Variants in GRAMD2B observed in about 807,000 individuals in gnomAD.
GRAMD2B encodes the protein GRAM domain containing 2B.
In GRAMD2B, 41 loss-of-function variants were observed where a neutral mutation model predicts 59.2. The observed-to-expected ratio is 0.69, with a 90% CI of 0.54 to 0.90. The LOEUF (loss-of-function observed/expected upper bound fraction) is 0.90. Ranked by LOEUF, GRAMD2B falls within the 40% of genes least tolerant of loss-of-function variation. GRAMD2B has a pLI of 0.00. For missense variants in GRAMD2B, 424 were observed against 500.5 expected, an observed-to-expected ratio of 0.85 and a Z score of 1.46; for synonymous variants, 161 against 182.7, an observed-to-expected ratio of 0.88 and a Z score of 0.96.
At position 126,428,911 on chromosome 5, in the gene GRAMD2B, A is replaced by G. The variant is rs147121378; in HGVS notation, c.83+5222A>G. 4.9e-3 allele frequency among the ~76,000 whole-genome samples: 754 copies of G among 152,360 alleles called. 5 individuals carry two copies. The highest frequency in any genetic ancestry group is 0.017 in the African/African-American group (723 of 41,584). On this transcript the variant is annotated intron_variant, in intron 1 of 13. Coordinates refer to ENST00000285689, the MANE Select transcript of GRAMD2B (RefSeq NM_023927.4). ...AACAGATGCTGGCAAGGTTGCAGAG[A>G]AAAAAGAATGCTTATTCACTGTTGC...
chr5:126,395,836 G>T (rs1402262897), intron 1 of GRAMD2B, among the ~76,000 whole-genome samples: 9 of 152,124 alleles, frequency 5.9e-5, no homozygotes, highest in Non-Finnish European at 2.9e-5. Flanking sequence ...AAATTAAATT[G>T]TACATATGTA....
intron 1 of GRAMD2B, among the ~76,000 whole-genome samples, chr5:126,398,924 A>G (rs922870370): frequency 6.6e-6 from 1 of 152,110 alleles, no homozygotes; most frequent in Non-Finnish European, 1.5e-5. Context: ...TCTTGCTGTT[A>G]TCTCTAGTTT....
chr5:126,393,841 A>G (rs1451922955), intron 1 of GRAMD2B, among the ~76,000 whole-genome samples: 1 of 152,228 alleles, frequency 6.6e-6, no homozygotes, highest in Non-Finnish European at 1.5e-5. Flanking sequence ...TCTAGAAAGC[A>G]TAAGATCATA....
chr5:126,373,366 G>T (rs932621209), intron 1 of GRAMD2B, among the ~76,000 whole-genome samples: 1 of 152,186 alleles, frequency 6.6e-6, no homozygotes, highest in South Asian at 2.1e-4. Flanking sequence ...GAGAATTTAT[G>T]TGGCTGTTTT....
At chr5:126,469,050 A>G (rs1040599678) in intron 2 of GRAMD2B, among the ~76,000 whole-genome samples, 1 of 152,202 alleles carries the variant, frequency 6.6e-6, no homozygotes, top group African/African-American at 2.4e-5. Context: ...TATAGCTGCA[A>G]TATTATTTAG....
Position 126,488,863 on chromosome 5 carries a change from C to CT in GRAMD2B, c.1230dup (p.Thr411TyrfsTer3), listed in dbSNP as rs748236406. 5.6e-6 allele frequency: 9 copies of CT among 1,613,490 alleles called. No homozygotes were observed. The South Asian group carries it at 9.9e-5, about 18-fold the overall frequency. ...CAATGTGGAGGTTCTCTGTCAAGAGCTTACAGCTAACATAGTGAAATTAGA... is the reference window on the plus strand; with the variant it reads ...CAATGTGGAGGTTCTCTGTCAAGAGCTTTACAGCTAACATAGTGAAATTAGA... On this transcript the variant is annotated frameshift_variant, in exon 13 of 14. Coordinates refer to ENST00000285689, the MANE Select transcript of GRAMD2B (RefSeq NM_023927.4). LOFTEE classifies it high-confidence loss of function.
chr5:126,477,165 T>C (rs1042276257), intron 5 of GRAMD2B, among the ~76,000 whole-genome samples: 2 of 152,224 alleles, frequency 1.3e-5, no homozygotes, highest in African/African-American at 4.8e-5. Flanking sequence ...CAAAAACTTT[T>C]AGATTTTGGA....
At chr5:126,369,160 A>C (rs545667077), upstream of GRAMD2B, among the ~76,000 whole-genome samples, 1 of 152,236 alleles carries the variant, frequency 6.6e-6, no homozygotes, top group Admixed American at 6.5e-5. Context: ...TGCCTTCCCC[A>C]TGACCCCACA....
intron 1 of GRAMD2B, chr5:126,371,581 G>A (rs1039324702): frequency 2.5e-5 from 32 of 1,280,272 alleles, no homozygotes; most frequent in Admixed American, 1.9e-4. Context: ...GGTACAGCCT[G>A]GGCCTGGCCA....
intron 1 of GRAMD2B, among the ~76,000 whole-genome samples, chr5:126,395,335 C>T (rs978717118): frequency 1.8e-4 from 28 of 152,148 alleles, no homozygotes; most frequent in African/African-American, 6.0e-4. Context: ...AAGATAAGAT[C>T]GCTTTAATCT....
chr5:126,444,395 GT>G (rs1190232993), intron 1 of GRAMD2B, among the ~76,000 whole-genome samples: 1 of 152,148 alleles, frequency 6.6e-6, no homozygotes, highest in Non-Finnish European at 1.5e-5. Context: ...ATGAATTATT[GT>G]TTTGTAAAAG....
chr5:126,363,968 T>G (rs1343961737), intron 1 of GRAMD2B, among the ~76,000 whole-genome samples: 1 of 152,200 alleles, frequency 6.6e-6, no homozygotes, highest in African/African-American at 2.4e-5. Flanking sequence ...CAAGTGAACT[T>G]TGTATTATGT....
At chr5:126,417,608 G>A (rs1759368526) in intron 1 of GRAMD2B, among the ~76,000 whole-genome samples, 1 of 152,226 alleles carries the variant, frequency 6.6e-6, no homozygotes, top group Admixed American at 6.5e-5. Context: ...ACAGAACCAT[G>A]AGAGGTAATA....
At position 126,382,512 on chromosome 5, in the gene GRAMD2B, C is replaced by G. The variant is rs554562651; in HGVS notation, c.125+10945C>G. 2.6e-5 allele frequency among the ~76,000 whole-genome samples: 4 copies of G among 152,216 alleles called. No individual in the cohort carries two copies. In the South Asian group the frequency reaches 8.3e-4, roughly 32 times the overall value. On this transcript the variant is annotated intron_variant, in intron 1 of 8. Transcript: ENST00000506445. Reference sequence around the variant, plus strand: ...ACATTCCAGTGTATTTTGCGTTTCTCTAAGTGTGTCCTTCATTTCCAGAAG... The same window carrying G: ...ACATTCCAGTGTATTTTGCGTTTCTGTAAGTGTGTCCTTCATTTCCAGAAG...
intron 1 of GRAMD2B, among the ~76,000 whole-genome samples, chr5:126,435,449 T>C (rs1438475753): frequency 6.6e-6 from 1 of 152,174 alleles, no homozygotes; most frequent in Non-Finnish European, 1.5e-5. Context: ...GTGGCGTGAC[T>C]GGCTGGGGCT....
chr5:126,434,778 A>G (rs562575624), intron 1 of GRAMD2B, among the ~76,000 whole-genome samples: 1 of 152,256 alleles, frequency 6.6e-6, no homozygotes, highest in African/African-American at 2.4e-5. Context: ...CGGCCTCCCA[A>G]AGTGCTGGGC....
upstream of GRAMD2B, among the ~76,000 whole-genome samples, chr5:126,420,235 T>C (rs1467449365): frequency 1.3e-5 from 2 of 152,122 alleles, no homozygotes; most frequent in African/African-American, 4.8e-5. Context: ...TCCTCTCACA[T>C]ATCATAGGCA....
At chr5:126,455,635 A>T (rs1766148901) in intron 1 of GRAMD2B, among the ~76,000 whole-genome samples, 1 of 152,232 alleles carries the variant, frequency 6.6e-6, no homozygotes, top group African/African-American at 2.4e-5. Context: ...AATGGCTGTG[A>T]TGCAGTAATG....
At chr5:126,430,224 C>A (rs1761346671) in intron 1 of GRAMD2B, among the ~76,000 whole-genome samples, 1 of 152,180 alleles carries the variant, frequency 6.6e-6, no homozygotes, top group African/African-American at 2.4e-5. Context: ...CCAACTTAAA[C>A]TAAATTTCCT....
Sources: allele counts gnomAD v4.1 joint callset (sites outside exome capture counted in the v4.1 genomes callset), GRCh38; gene constraint gnomAD v4.1.1; transcripts MANE v1.5; gene names NCBI Gene and HGNC (gene_info 2026-07-23, HGNC 2026-07-21).